The following CALB2 variants were observed in gnomAD, a reference collection of about 807,000 sequenced individuals.
CALB2 encodes calbindin 2.
Under a neutral mutation model 45.9 loss-of-function variants are expected in CALB2, and 34 were observed. The observed-to-expected ratio is 0.74, with a 90% CI of 0.56 to 0.99. The LOEUF (loss-of-function observed/expected upper bound fraction) is 0.99. Among genes scored for constraint, CALB2 ranks in the 50% least tolerant of loss-of-function variants. The pLI, the probability that CALB2 is intolerant of heterozygous loss-of-function variation, is 0.00. For synonymous variants in CALB2, 142 were observed against 129.6 expected (o/e 1.10, Z -0.65); for missense variants, 344 against 339.3 (o/e 1.01, Z -0.11).
intron 1 of CALB2, among the ~76,000 whole-genome samples, chr16:71,359,324 T>A (rs1209906781): frequency 6.6e-6 from 1 of 152,154 alleles, no homozygotes; most frequent in Non-Finnish European, 1.5e-5. Context: ...CTGGGATAAA[T>A]TAGGGGATCC....
intron 1 of CALB2, among the ~76,000 whole-genome samples, chr16:71,360,227 T>C (rs2042224877): frequency 6.6e-6 from 1 of 151,944 alleles, no homozygotes; most frequent in African/African-American, 2.4e-5. Context: ...CTGCCCAGAG[T>C]GCTATGGGGA....
At chr16:71,389,492 C>T (rs1325066568) in intron 10 of CALB2, 1 of 636,764 alleles carries the variant, frequency 1.6e-6, no homozygotes, top group South Asian at 1.4e-5. Context: ...TTTAGTGTAC[C>T]CATTTTACAG....
chr16:71,364,192 G>C (rs1428325133), intron 1 of CALB2, among the ~76,000 whole-genome samples: 1 of 152,156 alleles, frequency 6.6e-6, no homozygotes, highest in Non-Finnish European at 1.5e-5. Flanking sequence ...CGGCAGCGGG[G>C]AGCAGCTGGT....
chr16:71,366,531 A>T (rs1287688644), intron 1 of CALB2, among the ~76,000 whole-genome samples: 1 of 150,848 alleles, frequency 6.6e-6, no homozygotes, highest in African/African-American at 2.4e-5. Flanking sequence ...GGGTTTCACC[A>T]TGTTGGCCAG....
At chr16:71,378,745 C>T (rs2042447120) in intron 4 of CALB2, among the ~76,000 whole-genome samples, 5 of 152,148 alleles carry the variant, frequency 3.3e-5, no homozygotes, top group South Asian at 2.1e-4. Context: ...ATTTGCATAT[C>T]ACAGGCTCTG....
intron 4 of CALB2, among the ~76,000 whole-genome samples, chr16:71,379,458 C>G (rs1296219601): frequency 6.6e-6 from 1 of 151,976 alleles, no homozygotes; most frequent in Non-Finnish European, 1.5e-5. Context: ...TTTTTACTTA[C>G]AAAAAGTGGA....
chr16:71,365,847 C>G (rs2042278792), intron 1 of CALB2, among the ~76,000 whole-genome samples: 1 of 151,766 alleles, frequency 6.6e-6, no homozygotes, highest in Non-Finnish European at 1.5e-5. Context: ...GCTTTAGAAT[C>G]ACCTGCAGAG....
chr16:71,379,839 AC>A (rs2042466215), intron 4 of CALB2, among the ~76,000 whole-genome samples: 1 of 152,162 alleles, frequency 6.6e-6, no homozygotes, highest in Non-Finnish European at 1.5e-5. Context: ...TTTTTAAGTG[AC>A]AGCTTGCCTG....
intron 10 of CALB2, among the ~76,000 whole-genome samples, chr16:71,387,278 C>T (rs1341819254): frequency 6.6e-6 from 1 of 152,190 alleles, no homozygotes; most frequent in Non-Finnish European, 1.5e-5. Flanking sequence ...AAAGATTCTG[C>T]TGTTGGGATT....
At chr16:71,374,303 A>G (rs952496997) in intron 2 of CALB2, among the ~76,000 whole-genome samples, 1 of 152,228 alleles carries the variant, frequency 6.6e-6, no homozygotes, top group Non-Finnish European at 1.5e-5. Flanking sequence ...CTTTAAAGAA[A>G]ATGAGCAATC....
At chr16:71,384,272 C>G in intron 7 of CALB2, 67 bp from the exon 8 acceptor site, 3 of 1,338,048 alleles carry the variant, frequency 2.2e-6, no homozygotes, top group Non-Finnish European at 3.2e-6. Flanking sequence ...CCGCCTCTGC[C>G]TTCCCCTCTC....
chr16:71,378,851 C>T (rs2042448851), intron 4 of CALB2, among the ~76,000 whole-genome samples: 2 of 152,158 alleles, frequency 1.3e-5, no homozygotes, highest in South Asian at 2.1e-4. Context: ...GTCAGAGTTC[C>T]AAGAAGCAGG....
In CALB2 at chr16:71,384,328, T is replaced by C. The variant is rs780277485; in HGVS notation, c.534-11T>C. 1.2e-6 allele frequency: 2 copies of C among 1,612,710 alleles called. No homozygotes were observed. Among genetic ancestry groups the C allele is most frequent in the Non-Finnish European group, 1.7e-6 (2 of 1,179,138 alleles). On this transcript the variant is annotated splice_polypyrimidine_tract_variant and intron_variant, in intron 7 of 10. Coordinates refer to ENST00000302628, the MANE Select transcript of CALB2 (RefSeq NM_001740.5). ...AGTCTCCTCATCTCTGCTCTAACAT[T>C]TTCTCCCCAGACTCCTGCCTGTCCA...
chr16:71,379,195 T>C (rs2042454832), intron 4 of CALB2, among the ~76,000 whole-genome samples: 1 of 151,986 alleles, frequency 6.6e-6, no homozygotes, highest in East Asian at 1.9e-4. Context: ...GAGAATCGCT[T>C]GAACCAGGCA....
At chr16:71,388,540 G>A (rs1048656595) in intron 10 of CALB2, among the ~76,000 whole-genome samples, 4 of 151,972 alleles carry the variant, frequency 2.6e-5, no homozygotes, top group Admixed American at 6.6e-5. Flanking sequence ...TCAGGTGTTG[G>A]TATTTAATAT....
intron 10 of CALB2, 70 bp from the exon 11 acceptor site, chr16:71,389,679 T>C (rs1457864257): frequency 5.8e-6 from 6 of 1,038,700 alleles, no homozygotes; most frequent in Non-Finnish European, 9.1e-6. Context: ...TGTTTGTGAA[T>C]GTGGACGTGG....
Position 71,389,617 on chromosome 16 carries a change from T to C in CALB2, c.700-132T>C, listed in dbSNP as rs188853298. 4.7e-4 allele frequency: 366 copies of C among 773,450 alleles called. 2 individuals carry two copies. The African/African-American group carries it at 5.8e-3, about 12-fold the overall frequency. 47.9% of individuals were successfully genotyped at this position (773,450 alleles called of 1,614,324 possible). ...TGACTCCAAAATCCATGCTTTGCAT[T>C]CATCTAAGCCACTTATCCTGGGATG... On this transcript the variant is annotated intron_variant, in intron 10 of 10. Transcript: ENST00000302628.
At chr16:71,380,514 G>C (rs1186820388) in intron 4 of CALB2, among the ~76,000 whole-genome samples, 5 of 151,582 alleles carry the variant, frequency 3.3e-5, no homozygotes, top group Non-Finnish European at 2.9e-5. Flanking sequence ...CTCCATGCTG[G>C]TCAGGCTGGT....
intron 3 of CALB2, 104 bp from the exon 4 acceptor site, chr16:71,377,563 C>T (rs1015478415): frequency 6.9e-6 from 5 of 726,654 alleles, no homozygotes; most frequent in Admixed American, 4.3e-5. Flanking sequence ...GCAATTCCCA[C>T]ACTGCCTCGC....
Sources: gnomAD v4.1 joint callset for allele counts (sites outside exome capture counted in the v4.1 genomes callset) on GRCh38, gnomAD v4.1.1 for gene constraint, MANE v1.5 for transcripts, NCBI Gene and HGNC (gene_info 2026-07-23, HGNC 2026-07-21) for gene names.